The following CORIN variants were observed in gnomAD, a reference collection of about 807,000 sequenced individuals.
CORIN encodes atrial natriuretic peptide-converting enzyme.
A neutral mutation model predicts 125.3 loss-of-function variants in CORIN; 117 were observed. The ratio of observed to expected loss-of-function variants is 0.93; its 90% CI spans 0.80 to 1.09. The LOEUF is 1.09. Among genes scored for constraint, CORIN ranks in the 50% least tolerant of loss-of-function variants. The pLI is 0.00. For missense variants in CORIN, 1,253 were observed against 1,306.7 expected (o/e 0.96, Z 0.63); for synonymous variants, 450 against 466.4 (o/e 0.96, Z 0.45).
At chr4:47,799,776 A>G (rs1016921150) in intron 2 of CORIN, among the ~76,000 whole-genome samples, 12 of 152,204 alleles carry the variant, frequency 7.9e-5, no homozygotes, top group African/African-American at 2.9e-4. Flanking sequence ...GTGAAAATGT[A>G]TGTCCCCACA....
At chr4:47,833,594 G>A (rs1404563068) in intron 1 of CORIN, among the ~76,000 whole-genome samples, 2 of 148,018 alleles carry the variant, frequency 1.4e-5, no homozygotes, top group Non-Finnish European at 3.0e-5. Flanking sequence ...CATAGCAAAC[G>A]ATATGATCAA....
intron 5 of CORIN, among the ~76,000 whole-genome samples, chr4:47,737,575 G>C (rs986292040): frequency 1.3e-5 from 2 of 152,212 alleles, no homozygotes; most frequent in African/African-American, 2.4e-5. Context: ...CAAGGATTTA[G>C]CTGAGGCTTT....
At chr4:47,774,006 T>G (rs1730177260) in intron 3 of CORIN, among the ~76,000 whole-genome samples, 1 of 152,128 alleles carries the variant, frequency 6.6e-6, no homozygotes, top group African/African-American at 2.4e-5. Flanking sequence ...AATATCTAGT[T>G]TCTACTTGAT....
At chr4:47,663,336 T>G (rs1208097796) in intron 11 of CORIN, among the ~76,000 whole-genome samples, 1 of 152,098 alleles carries the variant, frequency 6.6e-6, no homozygotes, top group African/African-American at 2.4e-5. Context: ...GCTAAAAAAT[T>G]CAATGTTAAA....
intron 2 of CORIN, among the ~76,000 whole-genome samples, chr4:47,793,025 G>A (rs1035682911): frequency 1.3e-5 from 2 of 151,994 alleles, no homozygotes; most frequent in African/African-American, 2.4e-5. Context: ...ATTTGTAGAA[G>A]CCTGTTGTTG....
intron 6 of CORIN, among the ~76,000 whole-genome samples, chr4:47,686,001 GA>G: frequency 6.7e-6 from 1 of 148,824 alleles, no homozygotes; most frequent in East Asian, 2.0e-4. Flanking sequence ...TCCTCAAGCA[GA>G]AGCCTGTATC....
chr4:47,641,702 T>G lies in CORIN; in HGVS notation c.2198+218A>C, dbSNP rs568313029. Among the ~76,000 whole-genome samples, 12 of 152,344 alleles carry G rather than the reference T, an allele frequency of 7.9e-5. 1 individual carries two copies. In the South Asian group the frequency reaches 2.5e-3, roughly 32 times the overall value. On this transcript the variant is annotated intron_variant, in intron 16 of 21. Transcript: ENST00000273857. ...GTACTTAAAATACAATTACTTCATTTACTTTTAGAGGCTTCATCAAAGTAC... is the reference window on the plus strand; with the variant it reads ...GTACTTAAAATACAATTACTTCATTGACTTTTAGAGGCTTCATCAAAGTAC...
intron 2 of CORIN, among the ~76,000 whole-genome samples, chr4:47,793,583 G>C (rs1731169387): frequency 6.6e-6 from 1 of 152,186 alleles, no homozygotes; most frequent in Admixed American, 6.5e-5. Flanking sequence ...CATCTGGGGA[G>C]AAGAAAGCAT....
chr4:47,819,797 T>C (rs764054791), intron 1 of CORIN, among the ~76,000 whole-genome samples: 2 of 152,214 alleles, frequency 1.3e-5, no homozygotes, highest in Non-Finnish European at 2.9e-5. Context: ...CTCCAAATTC[T>C]AGTCCCTGCT....
At chr4:47,605,895 A>G (rs1048189295) in intron 19 of CORIN, among the ~76,000 whole-genome samples, 4 of 152,140 alleles carry the variant, frequency 2.6e-5, no homozygotes, top group Non-Finnish European at 4.4e-5. Flanking sequence ...GTTAGGAAGG[A>G]GGAGCCAAGG....
At chr4:47,706,130 T>A (rs1161395747) in intron 5 of CORIN, among the ~76,000 whole-genome samples, 1 of 152,238 alleles carries the variant, frequency 6.6e-6, no homozygotes, top group South Asian at 2.1e-4. Context: ...CATAATGTGA[T>A]TTCTGTGGAT....
At chr4:47,794,820 G>T (rs943516596) in intron 2 of CORIN, among the ~76,000 whole-genome samples, 13 of 152,056 alleles carry the variant, frequency 8.5e-5, no homozygotes, top group Admixed American at 3.3e-4. Context: ...CCATACAGCT[G>T]CCAATGACAC....
At chr4:47,791,975 T>C (rs1731102757) in intron 2 of CORIN, among the ~76,000 whole-genome samples, 1 of 152,098 alleles carries the variant, frequency 6.6e-6, no homozygotes, top group African/African-American at 2.4e-5. Context: ...TTGAGAATGA[T>C]ATGCCTAGGA....
intron 16 of CORIN, among the ~76,000 whole-genome samples, chr4:47,639,705 G>A (rs1174933782): frequency 1.3e-5 from 2 of 152,210 alleles, no homozygotes; most frequent in Non-Finnish European, 2.9e-5. Flanking sequence ...TGACTCAAAG[G>A]TGCAGGGTGA....
intron 5 of CORIN, among the ~76,000 whole-genome samples, chr4:47,731,325 G>A (rs1367784754): frequency 1.3e-5 from 2 of 152,112 alleles, no homozygotes; most frequent in Admixed American, 1.3e-4. Context: ...TATGCATGCA[G>A]GTCCAGAGGT....
chr4:47,635,199 C>T (rs542153761), intron 16 of CORIN, among the ~76,000 whole-genome samples: 1 of 152,262 alleles, frequency 6.6e-6, no homozygotes, highest in Non-Finnish European at 1.5e-5. Context: ...AAAACTGATG[C>T]TTAGAGGTTA....
chr4:47,719,964 G>C (rs1247419457), intron 5 of CORIN, among the ~76,000 whole-genome samples: 1 of 152,104 alleles, frequency 6.6e-6, no homozygotes, highest in African/African-American at 2.4e-5. Flanking sequence ...CATTTAAAAC[G>C]TTTTTATTTG....
Position 47,665,034 on chromosome 4 carries a change from G to A in CORIN, c.1587C>T (p.Cys529=), listed in dbSNP as rs530115200. 156 of 1,596,354 alleles carry A rather than the reference G, an allele frequency of 9.8e-5. 3 individuals are homozygous for A. The South Asian group carries it at 1.7e-3, about 17-fold the overall frequency. Residue 529 remains cysteine (C), a splice_region_variant and synonymous_variant, in exon 11 of 22, where the codon TGC becomes TGT. Transcript: ENST00000273857. ...TGGGGTAGATCCCATCATATTACCTGCAAGGAGGGATATGCTCGCCTGTAT... is the reference window on the plus strand; with the variant it reads ...TGGGGTAGATCCCATCATATTACCTACAAGGAGGGATATGCTCGCCTGTAT... ...DVNTGEHIPP[C]RALCEHSKER... is the part of the protein sequence containing the mutation.
At chr4:47,613,382 G>A (rs1402746016) in intron 19 of CORIN, among the ~76,000 whole-genome samples, 2 of 152,214 alleles carry the variant, frequency 1.3e-5, no homozygotes, top group Non-Finnish European at 2.9e-5. Flanking sequence ...GAACCTAGGA[G>A]GTGGAGGTTT....
Sources: gnomAD v4.1 joint callset for allele counts (sites outside exome capture counted in the v4.1 genomes callset) on GRCh38, gnomAD v4.1.1 for gene constraint, MANE v1.5 for transcripts, NCBI Gene and HGNC (gene_info 2026-07-23, HGNC 2026-07-21) for gene names.